ATAD5: variants seen among roughly 807,000 people sequenced by gnomAD.
The protein encoded by ATAD5 is ATPase family AAA domain containing 5, also known as ATPase family AAA domain-containing protein 5.
A neutral mutation model predicts 176.9 loss-of-function variants in ATAD5; 58 were observed. The observed-to-expected ratio is 0.33, with a 90% CI of 0.27 to 0.41. ATAD5 has a LOEUF of 0.41. Among genes scored for constraint, ATAD5 ranks in the 10% least tolerant of loss-of-function variants. The pLI is 1.00. For synonymous variants in ATAD5, 640 were observed against 712.6 expected, an observed-to-expected ratio of 0.90 and a Z score of 1.62; for missense variants, 1,789 against 2,094.1, an observed-to-expected ratio of 0.85 and a Z score of 2.84.
intron 10 of ATAD5, 44 bp downstream of exon 10, chr17:30,860,656 G>A: frequency 6.9e-7 from 1 of 1,445,576 alleles, no homozygotes; most frequent in Non-Finnish European, 9.1e-7. Context: ...TTGCTTTGAG[G>A]ACATGCAAAG....
In ATAD5 at chr17:30,834,356, T is replaced by C. The variant is rs1204051735; in HGVS notation, c.275T>C (p.Val92Ala). The C allele has an allele frequency of 6.2e-7, 1 of 1,610,428 alleles. No individual in the cohort carries two copies. The highest frequency in any genetic ancestry group is 8.5e-7 in the Non-Finnish European group (1 of 1,178,842). The change falls in exon 2 of 23, where the codon GTT becomes GCT. Residue 92 changes from valine (V) to alanine (A), a missense_variant. By Grantham distance (64) the Val-to-Ala change is moderately conservative. Coordinates refer to ENST00000321990, the MANE Select transcript of ATAD5 (RefSeq NM_024857.5). Reference sequence around the variant, plus strand: ...ATAAAGTCACCTGAATCAGTACCTGTTGACAGCAACAAAGACTGTACGACA... The same window carrying C: ...ATAAAGTCACCTGAATCAGTACCTGCTGACAGCAACAAAGACTGTACGACA... ...CKIKSPESVP[V>A]DSNKDCTTPL...
chr17:30,882,011 G>A (rs1170919731), intron 18 of ATAD5, among the ~76,000 whole-genome samples: 4 of 152,104 alleles, frequency 2.6e-5, no homozygotes, highest in African/African-American at 9.7e-5. Flanking sequence ...TGTAATCCCA[G>A]CACTTTGGGA....
At chr17:30,840,511 A>G in intron 3 of ATAD5, 106 bp from the exon 4 acceptor site, 2 of 853,594 alleles carry the variant, frequency 2.3e-6, no homozygotes, top group Admixed American at 3.7e-5. Context: ...TTGAATAACC[A>G]TTTCTTTGTT....
chr17:30,879,847 C>A, intron 18 of ATAD5, among the ~76,000 whole-genome samples: 1 of 151,172 alleles, frequency 6.6e-6, no homozygotes, highest in Non-Finnish European at 1.5e-5. Flanking sequence ...CAGGCGTGAG[C>A]CACTGCGCCC....
At chr17:30,878,195 T>G (rs1908782499) in intron 17 of ATAD5, 99 bp downstream of exon 17, 4 of 794,692 alleles carry the variant, frequency 5.0e-6, no homozygotes, top group Non-Finnish European at 8.2e-6. Flanking sequence ...TAGCAATTAC[T>G]TTTTTAAAAT....
intron 10 of ATAD5, among the ~76,000 whole-genome samples, chr17:30,862,283 A>G (rs1907684078): frequency 6.6e-6 from 1 of 150,870 alleles, no homozygotes; most frequent in African/African-American, 2.4e-5. Flanking sequence ...GCAGTGAGCC[A>G]AGATCTCGCC....
chr17:30,875,460 A>G (rs1908598744), intron 14 of ATAD5, among the ~76,000 whole-genome samples: 1 of 152,088 alleles, frequency 6.6e-6, no homozygotes, highest in Non-Finnish European at 1.5e-5. Flanking sequence ...GCAGGTGTAG[A>G]AAAAAATGAA....
intron 6 of ATAD5, among the ~76,000 whole-genome samples, chr17:30,847,528 C>T (rs1288779515): frequency 6.6e-6 from 1 of 151,130 alleles, no homozygotes; most frequent in Non-Finnish European, 1.5e-5. Context: ...AACGGGGTTT[C>T]ACTATGTTGG....
chr17:30,856,284 ATAAT>A (rs1907289130), intron 7 of ATAD5, among the ~76,000 whole-genome samples: 2 of 152,202 alleles, frequency 1.3e-5, no homozygotes, highest in African/African-American at 4.8e-5. Flanking sequence ...GTTGAGTATT[ATAAT>A]TATCACCCTC....
rs566685044 is a variant in ATAD5, at chr17:30,889,976, A to C, written c.4258+2604A>C. Among the ~76,000 whole-genome samples the C allele has an allele frequency of 3.0e-3, 429 of 141,408 alleles. 1 individual carries two copies. Among genetic ancestry groups the C allele is most frequent in the Non-Finnish European group, 4.6e-3 (307 of 66,604 alleles). 92.8% of individuals were successfully genotyped at this position (141,408 alleles called of 152,430 possible). On this transcript the variant is annotated intron_variant, in intron 19 of 22. Coordinates refer to ENST00000321990, the MANE Select transcript of ATAD5 (RefSeq NM_024857.5). ...AGTGCAGCATGGCTCACTCCAGCTT[A>C]ATCTCCTGGACTCGAGCCGTCTTCC...
At chr17:30,865,243 G>A (rs1247096461) in intron 10 of ATAD5, among the ~76,000 whole-genome samples, 3 of 148,506 alleles carry the variant, frequency 2.0e-5, no homozygotes, top group South Asian at 2.1e-4. Flanking sequence ...CGCGATCTCC[G>A]CTCATTGCAA....
At chr17:30,863,810 G>A (rs565118726) in intron 10 of ATAD5, 6 of 150,990 alleles carry the variant, frequency 4.0e-5, no homozygotes, top group African/African-American at 7.3e-5. Context: ...GACTACAGGC[G>A]TGTGCCACCA....
chr17:30,878,718 G>GGTTTTTT (rs1908812554), intron 17 of ATAD5, among the ~76,000 whole-genome samples: 4 of 56,838 alleles, frequency 7.0e-5, no homozygotes, highest in African/African-American at 2.7e-4. Flanking sequence ...GTTAGGTGGT[G>GGTTTTTT]TTTTTTTTTT....
At position 30,882,380 on chromosome 17, in the gene ATAD5, T is replaced by A. The variant is rs767578557; in HGVS notation, c.4077+2893T>A. Among the ~76,000 whole-genome samples, 5 of 152,126 alleles carry A rather than the reference T, an allele frequency of 3.3e-5. No homozygotes were observed. The South Asian group carries it at 1.0e-3, about 32-fold the overall frequency. ...AAGTTCAAGACCAGCCTGGGCAACATTGGCGAAATCCTGTCTCTACAAAAA... is the reference window on the plus strand; with the variant it reads ...AAGTTCAAGACCAGCCTGGGCAACAATGGCGAAATCCTGTCTCTACAAAAA... On this transcript the variant is annotated intron_variant, in intron 18 of 22. Transcript: ENST00000321990.
rs200481623 is a variant in ATAD5, at chr17:30,855,365, G to A, written c.2635+38G>A. 2.6e-6 allele frequency: 4 copies of A among 1,517,492 alleles called. No individual in the cohort carries two copies. The East Asian group carries it at 9.3e-5, about 35-fold the overall frequency. 94.0% of individuals were successfully genotyped at this position (1,517,492 alleles called of 1,614,324 possible). The stretch of plus-strand genomic sequence containing the variant: ...TTTATTATTGAATATTTACTCTTCA[G>A]CTGTTAGCAGGAACATTAAACTATG... On this transcript the variant is annotated intron_variant, in intron 7 of 22. Coordinates refer to ENST00000321990, the MANE Select transcript of ATAD5 (RefSeq NM_024857.5).
intron 10 of ATAD5, 69 bp downstream of exon 10, chr17:30,860,681 G>A (rs1000442434): frequency 5.9e-5 from 75 of 1,273,026 alleles, no homozygotes; most frequent in Non-Finnish European, 7.7e-5. Flanking sequence ...AACCAAAGCA[G>A]TAGAAGATTT....
chr17:30,886,843 AT>A (rs1279514481), intron 18 of ATAD5, among the ~76,000 whole-genome samples: 1 of 152,044 alleles, frequency 6.6e-6, no homozygotes, highest in African/African-American at 2.4e-5. Flanking sequence ...TAGTATTCAT[AT>A]TTATAATTTT....
At chr17:30,878,732 T>G (rs796369610) in intron 17 of ATAD5, among the ~76,000 whole-genome samples, 12 of 125,086 alleles carry the variant, frequency 9.6e-5, no homozygotes, top group African/African-American at 3.5e-4. Flanking sequence ...TTTTTTTTTT[T>G]TTTTTTTTTT....
intron 19 of ATAD5, 147 bp from the exon 20 acceptor site, chr17:30,892,460 T>C (rs1378702136): frequency 2.3e-6 from 1 of 439,520 alleles, no homozygotes; most frequent in Non-Finnish European, 3.9e-6. Flanking sequence ...ATGCTTATAT[T>C]GTACTCTTAA....
Sources: allele counts gnomAD v4.1 joint callset (sites outside exome capture counted in the v4.1 genomes callset), GRCh38; gene constraint gnomAD v4.1.1; transcripts MANE v1.5; gene names NCBI Gene and HGNC (gene_info 2026-07-23, HGNC 2026-07-21).